Variants in FHIT observed in about 807,000 individuals in gnomAD.
FHIT encodes the protein fragile histidine triad diadenosine triphosphatase.
In FHIT, 19 loss-of-function variants were observed where a neutral mutation model predicts 17.9. The observed-to-expected ratio is 1.06, with a 90% CI of 0.74 to 1.56. The LOEUF (loss-of-function observed/expected upper bound fraction) is 1.56. FHIT is among the 40% of genes most tolerant of loss of function. The pLI is 0.00. For missense variants in FHIT, 248 were observed against 189.2 expected (o/e 1.31, Z -1.82); for synonymous variants, 81 against 69.7 (o/e 1.16, Z -0.81).
At chr3:60,395,143 G>C (rs568596071) in intron 5 of FHIT, among the ~76,000 whole-genome samples, 1 of 152,188 alleles carries the variant, frequency 6.6e-6, no homozygotes, top group South Asian at 2.1e-4. Flanking sequence ...GAGTAGAAAG[G>C]TCAGGCTAGA....
chr3:60,569,756 T>TATATATATATATATATATATA (rs1491532042), intron 4 of FHIT, among the ~76,000 whole-genome samples: 3 of 28,658 alleles, frequency 1.0e-4, no homozygotes, highest in African/African-American at 3.1e-4. Flanking sequence ...TATATATATA[T>TATATATATATATATATATATA]TTTTTTTTTT....
chr3:60,836,358 T>C (rs1223382637), intron 3 of FHIT, among the ~76,000 whole-genome samples: 1 of 152,216 alleles, frequency 6.6e-6, no homozygotes, highest in Non-Finnish European at 1.5e-5. Context: ...TATTAATTAT[T>C]CTTTAAATGT....
chr3:60,087,573 T>A (rs560820197), intron 5 of FHIT, among the ~76,000 whole-genome samples: 4 of 152,216 alleles, frequency 2.6e-5, no homozygotes, highest in African/African-American at 9.6e-5. Flanking sequence ...CTAACTGAGG[T>A]CTTTGCAGCC....
chr3:61,129,745 A>C (rs752332503), intron 2 of FHIT, among the ~76,000 whole-genome samples: 2 of 152,216 alleles, frequency 1.3e-5, no homozygotes, highest in African/African-American at 2.4e-5. Context: ...AGATGCTGAA[A>C]AAGTACTTAG....
At chr3:60,650,200 C>A (rs1172363657) in intron 4 of FHIT, among the ~76,000 whole-genome samples, 1 of 152,194 alleles carries the variant, frequency 6.6e-6, no homozygotes, top group Non-Finnish European at 1.5e-5. Context: ...AACCCATGTT[C>A]TCTGCTTAAA....
chr3:60,174,945 G>C (rs2107418403), intron 5 of FHIT, among the ~76,000 whole-genome samples: 1 of 152,242 alleles, frequency 6.6e-6, no homozygotes, highest in East Asian at 1.9e-4. Flanking sequence ...CACAGTGCCT[G>C]GCACGTAGTG....
chr3:60,595,516 T>G, intron 4 of FHIT, among the ~76,000 whole-genome samples: 1 of 88,422 alleles, frequency 1.1e-5, no homozygotes, highest in East Asian at 2.9e-4. Context: ...TGTGTATATA[T>G]ATATGGACAC....
intron 4 of FHIT, among the ~76,000 whole-genome samples, chr3:60,589,108 A>G (rs1295068378): frequency 2.0e-5 from 3 of 152,058 alleles, no homozygotes; most frequent in Non-Finnish European, 4.4e-5. Flanking sequence ...TAACAAGACC[A>G]CCTTCCTTGG....
intron 5 of FHIT, among the ~76,000 whole-genome samples, chr3:60,229,932 T>C (rs542944828): frequency 6.6e-6 from 1 of 152,216 alleles, no homozygotes; most frequent in East Asian, 1.9e-4. Flanking sequence ...CAGTGAGCTA[T>C]GATTGTGCCA....
intron 4 of FHIT, among the ~76,000 whole-genome samples, chr3:60,809,239 C>T (rs1207893715): frequency 6.6e-6 from 1 of 152,144 alleles, no homozygotes; most frequent in Non-Finnish European, 1.5e-5. Context: ...TTTCTGCATA[C>T]ACTGAAATCA....
chr3:60,662,102 T>C (rs2040261436), intron 4 of FHIT, among the ~76,000 whole-genome samples: 1 of 152,218 alleles, frequency 6.6e-6, no homozygotes, highest in Admixed American at 6.5e-5. Context: ...TTCGTAGTCA[T>C]GAAGTCTTTG....
intron 5 of FHIT, among the ~76,000 whole-genome samples, chr3:60,523,604 A>T (rs1399822755): frequency 6.6e-6 from 1 of 152,188 alleles, no homozygotes; most frequent in Non-Finnish European, 1.5e-5. Flanking sequence ...GAAATTGCTT[A>T]CAGAGCTGCT....
chr3:60,131,057 A>ATGTG (rs1699568308), intron 5 of FHIT, among the ~76,000 whole-genome samples: 4 of 54,216 alleles, frequency 7.4e-5, no homozygotes, highest in African/African-American at 1.3e-4. Context: ...ATATATACAT[A>ATGTG]CATACACATG....
intron 5 of FHIT, among the ~76,000 whole-genome samples, chr3:60,345,873 C>T (rs1710751334): frequency 6.6e-5 from 10 of 152,188 alleles, no homozygotes. Flanking sequence ...TGTATATACA[C>T]ACAGATGCAT....
intron 7 of FHIT, among the ~76,000 whole-genome samples, chr3:59,942,559 C>T (rs1706577618): frequency 6.6e-6 from 1 of 152,234 alleles, no homozygotes; most frequent in South Asian, 2.1e-4. Context: ...GAAACCCTCA[C>T]TTGGATATTC....
intron 3 of FHIT, among the ~76,000 whole-genome samples, chr3:61,038,131 T>C (rs1212950718): frequency 6.6e-6 from 1 of 152,216 alleles, no homozygotes; most frequent in Non-Finnish European, 1.5e-5. Flanking sequence ...AAAATTAATA[T>C]GGAACTTTAA....
At chr3:61,235,234 T>G (rs994574583) in intron 1 of FHIT, among the ~76,000 whole-genome samples, 3 of 152,228 alleles carry the variant, frequency 2.0e-5, no homozygotes, top group African/African-American at 7.2e-5. Flanking sequence ...CCGGATGGCC[T>G]GGGTCCATAT....
chr3:60,473,932 A>AG (rs1299148668), intron 5 of FHIT, among the ~76,000 whole-genome samples: 3 of 152,142 alleles, frequency 2.0e-5, no homozygotes, highest in Admixed American at 1.3e-4. Context: ...CCAAAAAAAA[A>AG]AGAAAAAAAG....
At chr3:60,387,955 A>G (rs1701075465) in intron 5 of FHIT, among the ~76,000 whole-genome samples, 2 of 151,964 alleles carry the variant, frequency 1.3e-5, no homozygotes, top group African/African-American at 4.8e-5. Context: ...ACTGGTGGTT[A>G]AAAGGAGCCT....
Sources: allele counts gnomAD v4.1 joint callset (sites outside exome capture counted in the v4.1 genomes callset), GRCh38; gene constraint gnomAD v4.1.1; transcripts MANE v1.5; gene names NCBI Gene and HGNC (gene_info 2026-07-23, HGNC 2026-07-21).